The following TTC6 variants were observed in gnomAD, a reference collection of about 807,000 sequenced individuals.
TTC6 encodes tetratricopeptide repeat protein 6.
A neutral mutation model predicts 210.4 loss-of-function variants in TTC6; 172 were observed. The observed-to-expected ratio is 0.82, with a 90% CI of 0.72 to 0.93. The LOEUF (loss-of-function observed/expected upper bound fraction) is 0.93. Among genes scored for constraint, TTC6 ranks in the 40% least tolerant of loss-of-function variants. TTC6 has a pLI of 0.00. For synonymous variants in TTC6, 804 were observed against 819.6 expected, an observed-to-expected ratio of 0.98 and a Z score of 0.32; for missense variants, 2,414 against 2,318.1, an observed-to-expected ratio of 1.04 and a Z score of -0.85.
chr14:37,732,037 T>C (rs1235739480), intron 7 of TTC6, among the ~76,000 whole-genome samples: 2 of 152,164 alleles, frequency 1.3e-5, no homozygotes, highest in African/African-American at 2.4e-5. Context: ...TGCCAATCCC[T>C]GCACAGTTGA....
At chr14:37,670,512 C>T (rs752785424) in intron 1 of TTC6, among the ~76,000 whole-genome samples, 8 of 130,138 alleles carry the variant, frequency 6.1e-5, no homozygotes, top group African/African-American at 8.8e-5. Context: ...CCTCTGTTGT[C>T]GAGGCTGGAG....
At position 37,755,043 on chromosome 14, in the gene TTC6, A is replaced by G. The variant is rs375122354; in HGVS notation, c.3266+1808A>G. ...CCACCAACAGTGTAAAAGCGTTCCT[A>G]CTTCTCCACACCCTTTCCAGCATCT... On this transcript the variant is annotated intron_variant, in intron 14 of 30. Coordinates refer to ENST00000553443, the Ensembl canonical transcript of TTC6. Among the ~76,000 whole-genome samples, 20 of 152,158 alleles carry G rather than the reference A, an allele frequency of 1.3e-4. 1 individual carries two copies. The highest frequency in any genetic ancestry group is 3.9e-4 in the East Asian group (2 of 5,190).
At chr14:37,625,935 G>A (rs1033606101) in intron 1 of TTC6, among the ~76,000 whole-genome samples, 2 of 152,148 alleles carry the variant, frequency 1.3e-5, no homozygotes, top group South Asian at 4.1e-4. Flanking sequence ...CTCAACATTG[G>A]CACTATTGAC....
intron 6 of TTC6, among the ~76,000 whole-genome samples, chr14:37,716,299 CCAGACAGAG>C (rs1462865843): frequency 6.6e-6 from 1 of 151,852 alleles, no homozygotes; most frequent in African/African-American, 2.4e-5. Context: ...ACAAAAGAAA[CCAGACAGAG>C]CAGACAGGAA....
intron 1 of TTC6, among the ~76,000 whole-genome samples, chr14:37,631,880 A>G (rs1421599936): frequency 1.3e-5 from 2 of 152,032 alleles, no homozygotes; most frequent in East Asian, 1.9e-4. Context: ...AATCTCTGAT[A>G]TCCTTTCTTC....
In TTC6 at chr14:37,606,744, T is replaced by C. The variant is rs1367815535; in HGVS notation, c.-155+2T>C. 1.0e-6 allele frequency: 1 copy of C among 985,076 alleles called. No individual in the cohort carries two copies. The highest frequency in any genetic ancestry group is 6.2e-5 in the Admixed American group (1 of 16,190). The allele number at this position is 985,076 out of a possible 1,614,324, so 61.0% of individuals were successfully genotyped here. A position where few individuals can be genotyped will look rare whatever the true frequency, so the allele number is the denominator to read the frequency against. The stretch of plus-strand genomic sequence containing the variant: ...GGAACAAGGATTCATGGAAGTGAGG[T>C]ATGATGTCTTCAGTTCTTTCCAGTT... On this transcript the variant is annotated splice_donor_variant, in intron 2 of 2. Coordinates refer to the TTC6 transcript ENST00000556845. LOFTEE classifies it low-confidence loss of function (5UTR_SPLICE).
chr14:37,648,763 TC>T (rs758519999), intron 1 of TTC6, among the ~76,000 whole-genome samples: 1 of 152,138 alleles, frequency 6.6e-6, no homozygotes, highest in Non-Finnish European at 1.5e-5. Flanking sequence ...ATTCCAACAA[TC>T]CCCCAGCTCA....
In TTC6 at chr14:37,836,522, T is replaced by G. The variant is rs527296369; in HGVS notation, c.5299-4923T>G. ...GAAAAGTATTTGGTTAGATCTAAAGTGTAGTTTAAATTTTTTTTTTAAGTA... is the reference window on the plus strand; with the variant it reads ...GAAAAGTATTTGGTTAGATCTAAAGGGTAGTTTAAATTTTTTTTTTAAGTA... On this transcript the variant is annotated intron_variant, in intron 29 of 30. Transcript: ENST00000553443. Among the ~76,000 whole-genome samples, 40 of 152,256 alleles carry G rather than the reference T, an allele frequency of 2.6e-4. 1 individual carries two copies. The South Asian group carries it at 7.7e-3, about 29-fold the overall frequency.
At chr14:37,764,357 A>G (rs1280395648) in intron 14 of TTC6, among the ~76,000 whole-genome samples, 1 of 152,142 alleles carries the variant, frequency 6.6e-6, no homozygotes, top group Non-Finnish European at 1.5e-5. Flanking sequence ...TCTATTCATA[A>G]TTGAAAGTGA....
intron 6 of TTC6, among the ~76,000 whole-genome samples, chr14:37,722,500 A>C (rs546969113): frequency 2.8e-4 from 42 of 152,198 alleles, no homozygotes; most frequent in African/African-American, 9.9e-4. Context: ...GGCACATGCC[A>C]TTACACCTGG....
At chr14:37,842,058 A>G (rs1186803739) in intron 30 of TTC6, 97 bp from the exon 33 acceptor site, 1 of 1,162,378 alleles carries the variant, frequency 8.6e-7, no homozygotes, top group Non-Finnish European at 1.2e-6. Context: ...CATTGAGTTA[A>G]TTTTTTTAAA....
intron 26 of TTC6, 101 bp downstream of exon 28, chr14:37,817,752 G>A (rs1008364602): frequency 8.6e-7 from 1 of 1,163,246 alleles, no homozygotes; most frequent in African/African-American, 1.5e-5. Flanking sequence ...AAGAAACTGG[G>A]AGAAATTGTG....
intron 14 of TTC6, among the ~76,000 whole-genome samples, chr14:37,777,452 T>C (rs899722880): frequency 2.0e-5 from 3 of 152,234 alleles, no homozygotes; most frequent in Non-Finnish European, 2.9e-5. Flanking sequence ...CTCTATCAGT[T>C]CAGTCTGGTT....
intron 7 of TTC6, among the ~76,000 whole-genome samples, chr14:37,727,216 C>G (rs1165165797): frequency 6.6e-6 from 1 of 151,406 alleles, no homozygotes; most frequent in East Asian, 1.9e-4. Context: ...TGTTACTTCT[C>G]CCTTTTAACA....
chr14:37,725,796 T>G (rs2095871988), intron 7 of TTC6, among the ~76,000 whole-genome samples: 1 of 152,196 alleles, frequency 6.6e-6, no homozygotes, highest in South Asian at 2.1e-4. Context: ...TTCAGTTGTT[T>G]AGAGATCTTC....
chr14:37,687,805 C>A (rs1595105963), intron 3 of TTC6, among the ~76,000 whole-genome samples: 2 of 152,158 alleles, frequency 1.3e-5, no homozygotes, highest in South Asian at 4.1e-4. Context: ...GAAAGGATAC[C>A]AGTTGAGGGC....
intron 5 of TTC6, among the ~76,000 whole-genome samples, chr14:37,705,033 G>C (rs1282698466): frequency 6.6e-6 from 1 of 151,990 alleles, no homozygotes; most frequent in African/African-American, 2.4e-5. Context: ...ATCTAAAACT[G>C]CTTGTGTATT....
chr14:37,838,582 A>G (rs542744818), intron 29 of TTC6, among the ~76,000 whole-genome samples: 1 of 152,106 alleles, frequency 6.6e-6, no homozygotes, highest in East Asian at 1.9e-4. Context: ...CTCTCTTTGT[A>G]TGTCTTAGAA....
chr14:37,840,519 C>T (rs1327908465), intron 29 of TTC6, among the ~76,000 whole-genome samples: 2 of 152,186 alleles, frequency 1.3e-5, no homozygotes, highest in South Asian at 2.1e-4. Flanking sequence ...ATGTCAAAAC[C>T]TGGCAGAGAC....
Sources: gnomAD v4.1 joint callset for allele counts (sites outside exome capture counted in the v4.1 genomes callset) on GRCh38, gnomAD v4.1.1 for gene constraint, MANE v1.5 for transcripts, NCBI Gene and HGNC (gene_info 2026-07-23, HGNC 2026-07-21) for gene names.